Variants in ADGRB3 observed in about 807,000 individuals in gnomAD.
The protein encoded by ADGRB3 is brain-specific angiogenesis inhibitor 3.
Under a neutral mutation model 193.4 loss-of-function variants are expected in ADGRB3, and 37 were observed. That is an observed-to-expected ratio of 0.19 (90% confidence interval 0.15 to 0.25). The LOEUF is 0.25. Ranked by LOEUF, ADGRB3 falls within the 10% of genes least tolerant of loss-of-function variation. The pLI is 1.00. For missense variants in ADGRB3, 1,637 were observed against 1,852.9 expected (o/e 0.88, Z 2.14); for synonymous variants, 690 against 644.2 (o/e 1.07, Z -1.08).
intron 22 of ADGRB3, among the ~76,000 whole-genome samples, chr6:69,329,252 A>G (rs902616704): frequency 6.6e-6 from 1 of 152,134 alleles, no homozygotes; most frequent in African/African-American, 2.4e-5. Flanking sequence ...GTTCTGTCAG[A>G]CTAAGGTTTT....
intron 3 of ADGRB3, among the ~76,000 whole-genome samples, chr6:68,842,858 T>C (rs1016144342): frequency 6.6e-6 from 1 of 152,034 alleles, no homozygotes; most frequent in East Asian, 1.9e-4. Context: ...GATGCAAGGA[T>C]AGTTCAATGT....
At chr6:68,853,603 T>G (rs1380326837) in intron 3 of ADGRB3, among the ~76,000 whole-genome samples, 1 of 152,132 alleles carries the variant, frequency 6.6e-6, no homozygotes. Context: ...ATAGGATATA[T>G]TATACATAGC....
At chr6:69,208,948 G>A (rs746817924) in intron 17 of ADGRB3, among the ~76,000 whole-genome samples, 4 of 152,110 alleles carry the variant, frequency 2.6e-5, no homozygotes, top group Non-Finnish European at 5.9e-5. Context: ...CCACCAAAGC[G>A]CAGTAACAGG....
intron 17 of ADGRB3, among the ~76,000 whole-genome samples, chr6:69,212,116 G>T (rs1765680141): frequency 6.6e-6 from 1 of 152,124 alleles, no homozygotes; most frequent in African/African-American, 2.4e-5. Context: ...TAATGAATTT[G>T]TAGGAAATCA....
chr6:68,645,927 G>A (rs2127278039), intron 3 of ADGRB3, among the ~76,000 whole-genome samples: 1 of 151,924 alleles, frequency 6.6e-6, no homozygotes, highest in East Asian at 2.0e-4. Flanking sequence ...ACCTGCCTCG[G>A]CCTCCCAAGT....
intron 17 of ADGRB3, among the ~76,000 whole-genome samples, chr6:69,118,947 G>A (rs1183054869): frequency 1.3e-5 from 2 of 152,064 alleles, no homozygotes; most frequent in Non-Finnish European, 2.9e-5. Context: ...TAAATATGCT[G>A]TAAAAGAATA....
chr6:69,364,504 G>A (rs573991097), intron 29 of ADGRB3, among the ~76,000 whole-genome samples: 1 of 152,068 alleles, frequency 6.6e-6, no homozygotes, highest in African/African-American at 2.4e-5. Context: ...ATAAATTCAT[G>A]AAGTTTCTTG....
chr6:69,243,807 G>T (rs1024273198), intron 20 of ADGRB3, among the ~76,000 whole-genome samples: 3 of 151,892 alleles, frequency 2.0e-5, no homozygotes, highest in African/African-American at 7.2e-5. Flanking sequence ...CAACTAGTCT[G>T]GGCATTCTTG....
chr6:68,933,678 A>C (rs1271457512), intron 4 of ADGRB3, among the ~76,000 whole-genome samples: 1 of 152,230 alleles, frequency 6.6e-6, no homozygotes, highest in East Asian at 1.9e-4. Flanking sequence ...AGTTTATATT[A>C]ATATTTTGTT....
chr6:69,214,712 C>A (rs1056953431), intron 17 of ADGRB3, among the ~76,000 whole-genome samples: 11 of 151,696 alleles, frequency 7.3e-5, no homozygotes, highest in African/African-American at 1.2e-4. Context: ...CCCACAATTG[C>A]CCATGTCTCA....
At chr6:69,307,244 A>G (rs1172357711) in intron 20 of ADGRB3, among the ~76,000 whole-genome samples, 1 of 151,530 alleles carries the variant, frequency 6.6e-6, no homozygotes, top group Non-Finnish European at 1.5e-5. Flanking sequence ...ATAAAGTTAT[A>G]GTATTAAAGA....
intron 28 of ADGRB3, among the ~76,000 whole-genome samples, chr6:69,359,553 A>T (rs1208803770): frequency 6.6e-6 from 1 of 151,898 alleles, no homozygotes; most frequent in Non-Finnish European, 1.5e-5. Flanking sequence ...TACATGAATG[A>T]TTCATGTTTT....
rs150668612 is a variant in ADGRB3 at position 68,872,934 on chromosome 6, A to G, written c.758-57625A>G. 1.6e-3 allele frequency among the ~76,000 whole-genome samples: 250 copies of G among 152,224 alleles called. 3 individuals are homozygous for G. Among genetic ancestry groups the G allele is most frequent in the African/African-American group, 5.8e-3 (241 of 41,560 alleles). On this transcript the variant is annotated intron_variant, in intron 3 of 31. Coordinates refer to ENST00000370598, the MANE Select transcript of ADGRB3 (RefSeq NM_001704.3). ...GATCAAGCTCAAACACTCTAGGACC[A>G]TTTTACAAAATAACAACAAAATGCC...
intron 20 of ADGRB3, among the ~76,000 whole-genome samples, chr6:69,321,182 C>T (rs1479760825): frequency 6.6e-6 from 1 of 151,716 alleles, no homozygotes; most frequent in Non-Finnish European, 1.5e-5. Context: ...TTTAAGCAAT[C>T]TCTTCTATTG....
chr6:68,753,019 T>C (rs1766230913), intron 3 of ADGRB3, among the ~76,000 whole-genome samples: 1 of 152,082 alleles, frequency 6.6e-6, no homozygotes, highest in African/African-American at 2.4e-5. Context: ...GAAGCAGAGG[T>C]ACCTGTGGAA....
At chr6:69,355,756 T>C in intron 27 of ADGRB3, 65 bp from the exon 28 acceptor site, 1 of 1,281,192 alleles carries the variant, frequency 7.8e-7, no homozygotes, top group East Asian at 2.3e-5. Flanking sequence ...GATAATCTGA[T>C]TAGTAAAAGA....
chr6:69,343,453 C>A (rs182952133), intron 26 of ADGRB3, among the ~76,000 whole-genome samples: 3 of 149,756 alleles, frequency 2.0e-5, no homozygotes, highest in African/African-American at 7.3e-5. Flanking sequence ...TTTGTTCTTG[C>A]GATAGTTTAC....
chr6:69,232,648 C>G, intron 17 of ADGRB3: 2 of 1,531,056 alleles, frequency 1.3e-6, no homozygotes, highest in Non-Finnish European at 1.7e-6. Context: ...CCCACCCCTC[C>G]CCTGGATACC....
intron 3 of ADGRB3, among the ~76,000 whole-genome samples, chr6:68,769,140 A>C (rs748836905): frequency 6.6e-6 from 1 of 152,190 alleles, no homozygotes; most frequent in South Asian, 2.1e-4. Context: ...GTGATTCCTC[A>C]AGGATCTAGA....
Sources: allele counts gnomAD v4.1 joint callset (sites outside exome capture counted in the v4.1 genomes callset), GRCh38; gene constraint gnomAD v4.1.1; transcripts MANE v1.5; gene names NCBI Gene and HGNC (gene_info 2026-07-23, HGNC 2026-07-21).